Variants in PCDHGA1 observed in about 807,000 individuals in gnomAD.
PCDHGA1 encodes the protein protocadherin gamma-A1.
Under a neutral mutation model 58.0 loss-of-function variants are expected in PCDHGA1, and 32 were observed. The observed-to-expected ratio is 0.55, with a 90% CI of 0.42 to 0.74. The LOEUF (loss-of-function observed/expected upper bound fraction) is 0.74. PCDHGA1 is among the 30% of genes least tolerant of loss of function. The pLI is 0.00. For missense variants in PCDHGA1, 1,205 were observed against 1,182.3 expected (o/e 1.02, Z -0.28); for synonymous variants, 498 against 501.1 (o/e 0.99, Z 0.08).
chr5:141,354,990 C>A, intron 1 of PCDHGA1: 1 of 635,190 alleles, frequency 1.6e-6, no homozygotes, highest in Non-Finnish European at 2.4e-6. Flanking sequence ...GTTCACCAAT[C>A]AGGGGGAAAA....
chr5:141,501,290 TACACACACAC>T (rs55762287), intron 2 of PCDHGA1, among the ~76,000 whole-genome samples: 44 of 136,248 alleles, frequency 3.2e-4, no homozygotes, highest in Admixed American at 7.8e-4. Context: ...TATTCCCTTA[TACACACACAC>T]ACACACACAC....
chr5:141,364,683 G>A (rs1344688036), intron 1 of PCDHGA1: 6 of 1,613,976 alleles, frequency 3.7e-6, no homozygotes, highest in Non-Finnish European at 5.1e-6. Flanking sequence ...AAAATTTATG[G>A]AGTAGAAGTA....
intron 1 of PCDHGA1, chr5:141,400,636 G>C: frequency 7.5e-7 from 1 of 1,325,762 alleles, no homozygotes; most frequent in Non-Finnish European, 1.1e-6. Context: ...AGTCAGAGCT[G>C]CTCAGAAAGC....
chr5:141,368,406 T>A (rs1160875072), intron 1 of PCDHGA1, among the ~76,000 whole-genome samples: 2 of 151,988 alleles, frequency 1.3e-5, no homozygotes, highest in Non-Finnish European at 2.9e-5. Context: ...CACACATACA[T>A]ACACACATGG....
At chr5:141,488,157 C>T (rs565677003) in intron 1 of PCDHGA1, among the ~76,000 whole-genome samples, 2 of 152,216 alleles carry the variant, frequency 1.3e-5, no homozygotes, top group South Asian at 2.1e-4. Context: ...TAGAGAGGCA[C>T]GCATCAGAGT....
chr5:141,362,525 G>T lies in PCDHGA1; in HGVS notation c.2421+29420G>T, dbSNP rs201960802. ...CAAAATACAAATCATGGAGCCGCTG[G>T]GGTCCCTTTTGCCTCAGATACTATT... On this transcript the variant is annotated intron_variant, in intron 1 of 3. Transcript: ENST00000517417. 422 of 1,613,832 alleles carry T rather than the reference G, an allele frequency of 2.6e-4. 1 individual carries two copies. The highest frequency in any genetic ancestry group is 3.3e-4 in the Non-Finnish European group (391 of 1,179,896).
intron 1 of PCDHGA1, chr5:141,346,568 C>A: frequency 7.0e-7 from 1 of 1,430,724 alleles, no homozygotes; most frequent in South Asian, 1.4e-5. Flanking sequence ...GTCATTAGTC[C>A]TTTGACTAAA....
At chr5:141,380,998 A>G (rs1382906356) in intron 1 of PCDHGA1, among the ~76,000 whole-genome samples, 1 of 152,262 alleles carries the variant, frequency 6.6e-6, no homozygotes, top group East Asian at 1.9e-4. Context: ...CAGTTTACAG[A>G]ATTCATCTAT....
chr5:141,482,350 G>A lies in PCDHGA1; in HGVS notation c.2422-12457G>A, dbSNP rs184055854. ...AGAATATCTACTTTGCAAACTTGTT[G>A]TGAGAGTGAAAAGTAATGCATATAA... On this transcript the variant is annotated intron_variant, in intron 1 of 3. Coordinates refer to ENST00000517417, the MANE Select transcript of PCDHGA1 (RefSeq NM_018912.3). Among the ~76,000 whole-genome samples the A allele has an allele frequency of 5.3e-5, 8 of 152,200 alleles. No individual in the cohort carries two copies. In the East Asian group the frequency reaches 1.4e-3, roughly 26 times the overall value.
At chr5:141,408,608 A>C in intron 1 of PCDHGA1, 1 of 1,614,072 alleles carries the variant, frequency 6.2e-7, no homozygotes, top group South Asian at 1.1e-5. Context: ...ATTTGATAAA[A>C]AGGAAATACA....
intron 1 of PCDHGA1, among the ~76,000 whole-genome samples, chr5:141,464,222 G>A (rs1189319398): frequency 2.7e-5 from 4 of 147,818 alleles, no homozygotes; most frequent in African/African-American, 7.5e-5. Flanking sequence ...CTGAGATTGC[G>A]CCACTGCACT....
intron 1 of PCDHGA1, chr5:141,356,709 C>T (rs1760315750): frequency 1.9e-6 from 3 of 1,613,998 alleles, no homozygotes; most frequent in African/African-American, 2.7e-5. Context: ...CTCTGTCCTC[C>T]TATGTCTCCA....
intron 1 of PCDHGA1, chr5:141,428,460 T>G (rs558111052): frequency 2.8e-6 from 1 of 351,434 alleles, no homozygotes; most frequent in African/African-American, 2.1e-5. Context: ...CCAACTACAA[T>G]GAGGGAACTT....
intron 1 of PCDHGA1, chr5:141,366,459 T>G (rs1764573783): frequency 6.2e-7 from 1 of 1,614,122 alleles, no homozygotes; most frequent in African/African-American, 1.3e-5. Flanking sequence ...TTCGTCATCG[T>G]GCTGCTGGTG....
At chr5:141,492,954 A>G (rs2099745299) in intron 1 of PCDHGA1, among the ~76,000 whole-genome samples, 1 of 152,212 alleles carries the variant, frequency 6.6e-6, no homozygotes, top group Non-Finnish European at 1.5e-5. Context: ...TGACCAAACT[A>G]TCTGACACTC....
chr5:141,466,115 C>A (rs2099117208), intron 1 of PCDHGA1, among the ~76,000 whole-genome samples: 1 of 151,618 alleles, frequency 6.6e-6, no homozygotes, highest in African/African-American at 2.4e-5. Context: ...GAGTGAGACT[C>A]CAGCTCAAAA....
At position 141,487,025 on chromosome 5, in the gene PCDHGA1, C is replaced by T. The variant is rs769789352; in HGVS notation, c.2422-7782C>T. On this transcript the variant is annotated intron_variant, in intron 1 of 3. Transcript: ENST00000517417. This position sits in a 1 kb window ranked among gnomAD's most constrained non-coding sequence, Gnocchi z 5.0. ...GCTCCTGGAGGCCCCAGATCCCAGCCTGTTTGCAGTCTCTCGATATGCTGG... is the reference window on the plus strand; with the variant it reads ...GCTCCTGGAGGCCCCAGATCCCAGCTTGTTTGCAGTCTCTCGATATGCTGG... 1.9e-6 allele frequency: 3 copies of T among 1,614,216 alleles called. No homozygotes were observed. Among genetic ancestry groups the T allele is most frequent in the Non-Finnish European group, 2.5e-6 (3 of 1,180,050 alleles).
rs777545006 is a variant in PCDHGA1 at position 141,356,045 on chromosome 5, G to A, written c.2421+22940G>A. ...AATGGAGACGTGACGTATTCTTTCCGGAAAGTAAGAGACAAAATATCACAG... is the reference window on the plus strand; with the variant it reads ...AATGGAGACGTGACGTATTCTTTCCAGAAAGTAAGAGACAAAATATCACAG... On this transcript the variant is annotated intron_variant, in intron 1 of 3. Coordinates refer to ENST00000517417, the MANE Select transcript of PCDHGA1 (RefSeq NM_018912.3). The A allele has an allele frequency of 6.2e-7, 1 of 1,613,906 alleles. No individual in the cohort carries two copies. Among genetic ancestry groups the A allele is most frequent in the Admixed American group, 1.7e-5 (1 of 60,016 alleles).
At chr5:141,400,500 C>T (rs1025270322) in intron 1 of PCDHGA1, 1 of 1,613,922 alleles carries the variant, frequency 6.2e-7, no homozygotes, top group Non-Finnish European at 8.5e-7. Flanking sequence ...GTAATTCCAG[C>T]GAGTCGACTT....
Sources: gnomAD v4.1 joint callset for allele counts (sites outside exome capture counted in the v4.1 genomes callset) on GRCh38, gnomAD v4.1.1 for gene constraint, Gnocchi (gnomAD v3.1) non-coding constraint, MANE v1.5 for transcripts, NCBI Gene and HGNC (gene_info 2026-07-23, HGNC 2026-07-21) for gene names.